The following GLE1 variants were observed in gnomAD, a reference collection of about 807,000 sequenced individuals.
GLE1 encodes mRNA export factor GLE1.
A neutral mutation model predicts 97.3 loss-of-function variants in GLE1; 78 were observed. The ratio of observed to expected loss-of-function variants is 0.80; its 90% CI spans 0.67 to 0.97. GLE1 has a LOEUF of 0.97. GLE1 is among the 50% of genes least tolerant of loss of function. The pLI, the probability that GLE1 is intolerant of heterozygous loss-of-function variation, is 0.00. For synonymous variants in GLE1, 302 were observed against 313.4 expected (o/e 0.96, Z 0.39); for missense variants, 753 against 857.5 (o/e 0.88, Z 1.52).
chr9:128,520,604 G>A (rs1441580511), intron 3 of GLE1, among the ~76,000 whole-genome samples: 2 of 151,746 alleles, frequency 1.3e-5, no homozygotes, highest in Admixed American at 1.3e-4. Context: ...TATATGAGTC[G>A]TGGCATTTCC....
At chr9:128,517,491 ATTG>A (rs1301259093) in intron 3 of GLE1, among the ~76,000 whole-genome samples, 3 of 152,320 alleles carry the variant, frequency 2.0e-5, no homozygotes, top group South Asian at 2.1e-4. Context: ...TATTTGGAAC[ATTG>A]TTGTAATCTG....
intron 9 of GLE1, 96 bp from the exon 10 acceptor site, chr9:128,533,417 G>A: frequency 9.8e-7 from 1 of 1,016,774 alleles, no homozygotes. Context: ...GCAGTAGAGT[G>A]ATACTGTCTC....
intron 3 of GLE1, among the ~76,000 whole-genome samples, chr9:128,518,228 G>C (rs1847041187): frequency 6.6e-6 from 1 of 151,956 alleles, no homozygotes; most frequent in South Asian, 2.1e-4. Flanking sequence ...AGAGGGTATG[G>C]AAGGATTGTC....
intron 5 of GLE1, 95 bp from the exon 6 acceptor site, chr9:128,523,497 C>A: frequency 1.3e-6 from 2 of 1,506,188 alleles, no homozygotes; most frequent in Non-Finnish European, 1.8e-6. Flanking sequence ...CTGAGCCCAT[C>A]TGTGAAAATA....
At chr9:128,506,112 G>A (rs973918019) in intron 1 of GLE1, among the ~76,000 whole-genome samples, 1 of 152,160 alleles carries the variant, frequency 6.6e-6, no homozygotes, top group African/African-American at 2.4e-5. Flanking sequence ...TTGGGAGGCC[G>A]AGGGGGACGG....
chr9:128,517,130 A>C (rs2132435905), intron 3 of GLE1, among the ~76,000 whole-genome samples: 1 of 151,970 alleles, frequency 6.6e-6, no homozygotes, highest in South Asian at 2.1e-4. Flanking sequence ...TCTCTACTAA[A>C]AATACAAAAA....
intron 9 of GLE1, among the ~76,000 whole-genome samples, chr9:128,531,493 T>C (rs1454216729): frequency 6.8e-6 from 1 of 147,654 alleles, no homozygotes; most frequent in Non-Finnish European, 1.5e-5. Flanking sequence ...GCCATTGTAC[T>C]CCAGCCTGGG....
chr9:128,509,204 C>A, intron 2 of GLE1, 107 bp downstream of exon 2: 1 of 754,836 alleles, frequency 1.3e-6, no homozygotes, highest in Non-Finnish European at 2.4e-6. Context: ...AATGATTGCT[C>A]ATTGTTGTAG....
chr9:128,533,265 A>G (rs1847577165), intron 9 of GLE1, among the ~76,000 whole-genome samples: 3 of 151,772 alleles, frequency 2.0e-5, no homozygotes, highest in Admixed American at 6.6e-5. Flanking sequence ...CTCTACAAAA[A>G]AAAAAAAATA....
intron 2 of GLE1, among the ~76,000 whole-genome samples, chr9:128,511,815 C>A (rs901242690): frequency 2.0e-5 from 3 of 151,090 alleles, no homozygotes; most frequent in Admixed American, 6.6e-5. Context: ...AGATTTATTT[C>A]TTTATTTATT....
In GLE1 at chr9:128,522,818, TGA is replaced by T. The variant is rs768841827; in HGVS notation, c.581+4_581+5del. 2.8e-5 allele frequency: 45 copies of T among 1,612,922 alleles called. No homozygotes were observed. The highest frequency in any genetic ancestry group is 2.1e-5 in the Non-Finnish European group (25 of 1,179,332). On this transcript the variant is annotated splice_donor_region_variant and intron_variant, in intron 4 of 15. Coordinates refer to ENST00000309971, the MANE Select transcript of GLE1 (RefSeq NM_001003722.2). ...CTTGCGGGAAGTAATGGAGAAGAGG[TGA>T]GTCTCCCTGAATTATGACTGGGAAT...
In GLE1 at chr9:128,532,165, A is replaced by T. The variant is rs1847533617; in HGVS notation, c.1313-1348A>T. ...AGATGCTGTATTAATTAAAACATTG[A>T]CTTCAGGACTTCAGGTAATGGAAAG... On this transcript the variant is annotated intron_variant, in intron 9 of 15. Transcript: ENST00000309971. Among the ~76,000 whole-genome samples, 4 of 142,038 alleles carry T rather than the reference A, an allele frequency of 2.8e-5. No homozygotes were observed. In the South Asian group the frequency reaches 8.9e-4, roughly 32 times the overall value. The allele number at this position is 142,038 out of a possible 152,430, so 93.2% of individuals were successfully genotyped here.
rs5900802 is a variant in GLE1 at position 128,533,427 on chromosome 9, CAAAAAAAAAAAA to C, written c.1313-72_1313-61del. The C allele has an allele frequency of 1.3e-4, 57 of 453,632 alleles. 1 individual carries two copies. The highest frequency in any genetic ancestry group is 5.5e-4 in the African/African-American group (14 of 25,362). 28.1% of individuals were successfully genotyped at this position (453,632 alleles called of 1,614,324 possible). On this transcript the variant is annotated intron_variant, in intron 9 of 15. Transcript: ENST00000309971. Reference sequence around the variant, plus strand: ...CCTGGGCAGTAGAGTGATACTGTCTCAAAAAAAAAAAAAAAAAAAAAAAAAGGAAAAGAAAAA... The same window carrying C: ...CCTGGGCAGTAGAGTGATACTGTCTCAAAAAAAAAAAAAGGAAAAGAAAAA...
intron 2 of GLE1, among the ~76,000 whole-genome samples, chr9:128,512,339 T>C (rs186180736): frequency 2.0e-5 from 3 of 152,316 alleles, no homozygotes; most frequent in Admixed American, 2.0e-4. Flanking sequence ...TGAATGCCTT[T>C]AAAACTGGTG....
intron 1 of GLE1, among the ~76,000 whole-genome samples, chr9:128,506,661 TGCTTCTAG>T (rs1323448100): frequency 2.6e-5 from 4 of 152,204 alleles, no homozygotes; most frequent in Non-Finnish European, 4.4e-5. Context: ...TGGGTACCAT[TGCTTCTAG>T]GCCTTCTCAG....
Position 128,541,461 on chromosome 9 carries a change from C to G in GLE1, c.*291C>G, listed in dbSNP as rs534399356. 25 of 437,504 alleles carry G rather than the reference C, an allele frequency of 5.7e-5. 1 individual carries two copies. The highest frequency in any genetic ancestry group is 5.4e-4 in the South Asian group (23 of 42,776). The allele number at this position is 437,504 out of a possible 1,614,324, so 27.1% of individuals were successfully genotyped here. On this transcript the variant is annotated 3_prime_UTR_variant, in exon 16 of 16. Coordinates refer to ENST00000309971, the MANE Select transcript of GLE1 (RefSeq NM_001003722.2). ...AGGTCTTTAGCACTTGGTCTCCTCCCTTGTCTCTAGTGTCTTTCAGAAAGT... is the reference window on the plus strand; with the variant it reads ...AGGTCTTTAGCACTTGGTCTCCTCCGTTGTCTCTAGTGTCTTTCAGAAAGT...
intron 3 of GLE1, among the ~76,000 whole-genome samples, chr9:128,516,805 T>C (rs1335728472): frequency 1.3e-5 from 2 of 151,514 alleles, no homozygotes; most frequent in Admixed American, 1.3e-4. Flanking sequence ...TTGTATTTTT[T>C]AGTAGAGACG....
intron 12 of GLE1, 72 bp downstream of exon 12, chr9:128,536,556 A>T: frequency 7.2e-7 from 1 of 1,380,582 alleles, no homozygotes; most frequent in Non-Finnish European, 1.0e-6. Context: ...CCCACAGGAA[A>T]TGTTGGCCTT....
chr9:128,530,765 T>C (rs1308280998), intron 9 of GLE1, among the ~76,000 whole-genome samples: 1 of 151,368 alleles, frequency 6.6e-6, no homozygotes, highest in Non-Finnish European at 1.5e-5. Context: ...AAAAATTAGC[T>C]GGGCGTGGTG....
Sources: gnomAD v4.1 joint callset for allele counts (sites outside exome capture counted in the v4.1 genomes callset) on GRCh38, gnomAD v4.1.1 for gene constraint, MANE v1.5 for transcripts, NCBI Gene and HGNC (gene_info 2026-07-23, HGNC 2026-07-21) for gene names.